CDC45: variants seen among roughly 807,000 people sequenced by gnomAD.
The protein encoded by CDC45 is cell division cycle 45.
A neutral mutation model predicts 77.8 loss-of-function variants in CDC45; 54 were observed. The observed-to-expected ratio is 0.69, with a 90% CI of 0.56 to 0.87. CDC45 has a LOEUF of 0.87. Among genes scored for constraint, CDC45 ranks in the 40% least tolerant of loss-of-function variants. The pLI, the probability that CDC45 is intolerant of heterozygous loss-of-function variation, is 0.00. For synonymous variants in CDC45, 260 were observed against 272.1 expected, an observed-to-expected ratio of 0.96 and a Z score of 0.44; for missense variants, 649 against 721.6, an observed-to-expected ratio of 0.90 and a Z score of 1.15.
Position 19,514,946 on chromosome 22 carries a change from A to G in CDC45, c.1357-19A>G, listed in dbSNP as rs369338375. On this transcript the variant is annotated intron_variant, in intron 14 of 18. Transcript: ENST00000263201. ...ACAGCACCAGTGGCTTCGTCTGACC[A>G]TCTGTCTCGCCTCCGCAGGGCACTC... 12 of 1,614,100 alleles carry G rather than the reference A, an allele frequency of 7.4e-6. No individual in the cohort carries two copies. In the African/African-American group the frequency reaches 9.3e-5, roughly 13 times the overall value.
At chr22:19,488,838 A>T (rs1300609445) in intron 5 of CDC45, among the ~76,000 whole-genome samples, 1 of 152,178 alleles carries the variant, frequency 6.6e-6, no homozygotes, top group Non-Finnish European at 1.5e-5. Context: ...ACAGATTCAC[A>T]TGTAGTTGTA....
At chr22:19,509,335 CA>C (rs1190370633) in intron 13 of CDC45, among the ~76,000 whole-genome samples, 1 of 152,224 alleles carries the variant, frequency 6.6e-6, no homozygotes, top group Non-Finnish European at 1.5e-5. Flanking sequence ...AGCTTGGAAA[CA>C]ATTCATTGGT....
At chr22:19,509,863 T>C (rs1933414275) in intron 13 of CDC45, among the ~76,000 whole-genome samples, 1 of 152,224 alleles carries the variant, frequency 6.6e-6, no homozygotes, top group Non-Finnish European at 1.5e-5. Context: ...CTGGTTCTGC[T>C]CCCAAGCACA....
chr22:19,503,499 G>A (rs926917958), intron 9 of CDC45, among the ~76,000 whole-genome samples: 10 of 152,310 alleles, frequency 6.6e-5, no homozygotes, highest in Middle Eastern at 6.8e-3. Context: ...GGAGTTCAGC[G>A]GGTGGTCTCT....
At position 19,481,015 on chromosome 22, in the gene CDC45, T is replaced by A; in HGVS notation, c.174T>A (p.Leu58=). ...TTCCAGTTTCTGGGTGGCAAGAACT[T>A]GAAACTGCATTTCTTGAGCATAAAG... The part of the protein sequence containing the change: ...TLVPVSGWQE[L]ETAFLEHKEQ... The change falls in exon 3 of 19, where the codon CTT becomes CTA. Residue 58 remains leucine (L), a synonymous_variant. Transcript: ENST00000263201. 1.9e-6 allele frequency: 3 copies of A among 1,613,530 alleles called. No homozygotes were observed. The highest frequency in any genetic ancestry group is 2.5e-6 in the Non-Finnish European group (3 of 1,179,468).
At chr22:19,513,918 A>G (rs530858612) in intron 13 of CDC45, among the ~76,000 whole-genome samples, 1 of 152,160 alleles carries the variant, frequency 6.6e-6, no homozygotes, top group African/African-American at 2.4e-5. Context: ...ATGTTGAGGA[A>G]GTTTTTCTTG....
rs1362059581 is a variant in CDC45, at chr22:19,483,956, A to G, written c.437A>G (p.Asn146Ser). 4 of 1,613,818 alleles carry G rather than the reference A, an allele frequency of 2.5e-6. No homozygotes were observed. The African/African-American group carries it at 5.3e-5, about 22-fold the overall frequency. The change falls in exon 5 of 19, where the codon AAT becomes AGT. Residue 146 changes from asparagine to serine, a missense_variant. By Grantham distance (46) the Asn-to-Ser change is conservative. Coordinates refer to ENST00000263201, the MANE Select transcript of CDC45 (RefSeq NM_003504.5). ...GAGGAGGATGAAGAGCATTCAGGAA[A>G]TGACAGTGATGGGTCAGAGCCTTCT... ...DEEEDEEHSG[N>S]DSDGSEPSEK...
At chr22:19,504,006 G>T (rs1373816302) in intron 9 of CDC45, among the ~76,000 whole-genome samples, 1 of 152,260 alleles carries the variant, frequency 6.6e-6, no homozygotes, top group Non-Finnish European at 1.5e-5. Flanking sequence ...ATGGAACCCA[G>T]TGGCCGCTTG....
intron 17 of CDC45, 145 bp from the exon 18 acceptor site, chr22:19,518,699 A>G (rs1291497332): frequency 1.5e-6 from 1 of 689,010 alleles, no homozygotes; most frequent in Admixed American, 2.1e-5. Flanking sequence ...AGACAGACAC[A>G]ACCACTGAGT....
intron 5 of CDC45, among the ~76,000 whole-genome samples, chr22:19,489,245 AC>A (rs1388902418): frequency 6.6e-6 from 1 of 152,138 alleles, no homozygotes; most frequent in African/African-American, 2.4e-5. Context: ...GTTAGAAATC[AC>A]TGTGAAAGTT....
intron 10 of CDC45, 27 bp from the exon 11 acceptor site, chr22:19,507,359 T>G (rs923407976): frequency 1.2e-6 from 2 of 1,610,172 alleles, no homozygotes; most frequent in Non-Finnish European, 1.7e-6. Flanking sequence ...CAGTGGGTGC[T>G]TGCATGCTCC....
At chr22:19,514,314 G>A (rs1933664569) in intron 13 of CDC45, among the ~76,000 whole-genome samples, 1 of 152,194 alleles carries the variant, frequency 6.6e-6, no homozygotes, top group African/African-American at 2.4e-5. Context: ...GGGCCCAGAG[G>A]CTTTGCTTGA....
intron 6 of CDC45, among the ~76,000 whole-genome samples, chr22:19,495,209 A>C (rs1409745066): frequency 6.6e-6 from 1 of 152,214 alleles, no homozygotes; most frequent in African/African-American, 2.4e-5. Flanking sequence ...TACATGATAC[A>C]TCTGATTTTG....
Position 19,513,590 on chromosome 22 carries a change from A to T in CDC45, c.1218-1159A>T, listed in dbSNP as rs373870147. On this transcript the variant is annotated intron_variant, in intron 13 of 18. Coordinates refer to ENST00000263201, the MANE Select transcript of CDC45 (RefSeq NM_003504.5). ...CTACAGCTCTCTAGACCTGCTTTCCACTGTCCCCATGGATGTCCAAATCTT... is the reference window on the plus strand; with the variant it reads ...CTACAGCTCTCTAGACCTGCTTTCCTCTGTCCCCATGGATGTCCAAATCTT... Among the ~76,000 whole-genome samples the T allele has an allele frequency of 5.7e-4, 87 of 152,044 alleles. 2 individuals carry two copies. The South Asian group carries it at 0.017, about 30-fold the overall frequency.
intron 5 of CDC45, among the ~76,000 whole-genome samples, chr22:19,491,714 T>A (rs2090156171): frequency 6.6e-6 from 1 of 152,182 alleles, no homozygotes; most frequent in South Asian, 2.1e-4. Flanking sequence ...TTTGTTTCTC[T>A]TATTTTTTTG....
intron 9 of CDC45, 147 bp from the exon 10 acceptor site, chr22:19,505,215 C>T: frequency 2.4e-6 from 2 of 831,580 alleles, no homozygotes; most frequent in African/African-American, 1.7e-5. Context: ...TCTATGCAGG[C>T]TGCATGTCCT....
chr22:19,516,796 A>G, intron 16 of CDC45, 21 bp from the exon 17 acceptor site: 1 of 1,612,802 alleles, frequency 6.2e-7, no homozygotes, highest in South Asian at 1.1e-5. Flanking sequence ...CTGGCCCCCG[A>G]CATGTCTTGT....
At position 19,482,679 on chromosome 22, in the gene CDC45, C is replaced by T. The variant is rs1383338372; in HGVS notation, c.205-11C>T. On this transcript the variant is annotated splice_polypyrimidine_tract_variant and intron_variant, in intron 3 of 18. Transcript: ENST00000263201. The stretch of plus-strand genomic sequence containing the variant: ...GATATAGCTACTTTACAATATCTTC[C>T]TTTTTTTCAGTTTCATTATTTTATT... 2 of 1,611,874 alleles carry T rather than the reference C, an allele frequency of 1.2e-6. No homozygotes were observed. Among genetic ancestry groups the T allele is most frequent in the Non-Finnish European group, 1.7e-6 (2 of 1,178,344 alleles).
Position 19,482,563 on chromosome 22 carries a change from T to C in CDC45, c.205-127T>C, listed in dbSNP as rs1326616674. On this transcript the variant is annotated intron_variant, in intron 3 of 18. Coordinates refer to ENST00000263201, the MANE Select transcript of CDC45 (RefSeq NM_003504.5). ...CAGCCTGGCCATTTTTTGGAGTCCCTTGCCACGTGGGCCTCGCCACATGTC... is the reference window on the plus strand; with the variant it reads ...CAGCCTGGCCATTTTTTGGAGTCCCCTGCCACGTGGGCCTCGCCACATGTC... The C allele has an allele frequency of 3.2e-5, 33 of 1,015,446 alleles. No individual in the cohort carries two copies. The South Asian group carries it at 5.1e-4, about 16-fold the overall frequency. The allele number at this position is 1,015,446 out of a possible 1,614,324, so 62.9% of individuals were successfully genotyped here.
Sources: allele counts gnomAD v4.1 joint callset (sites outside exome capture counted in the v4.1 genomes callset), GRCh38; gene constraint gnomAD v4.1.1; transcripts MANE v1.5; gene names NCBI Gene and HGNC (gene_info 2026-07-23, HGNC 2026-07-21).